Variants in TMEM26 observed in about 807,000 individuals in gnomAD.
The protein encoded by TMEM26 is transmembrane protein 26.
Under a neutral mutation model 28.8 loss-of-function variants are expected in TMEM26, and 38 were observed. That is an observed-to-expected ratio of 1.32 (90% CI 1.02 to 1.73). The LOEUF (loss-of-function observed/expected upper bound fraction) is 1.73, where lower values mean the gene tolerates loss of function less well. Among genes scored for constraint, TMEM26 ranks in the 40% most tolerant of loss-of-function variants. The pLI, the probability that TMEM26 is intolerant of heterozygous loss-of-function variation, is 0.00. For missense variants in TMEM26, 518 were observed against 447.1 expected, an observed-to-expected ratio of 1.16 and a Z score of -1.43; for synonymous variants, 227 against 182.9, an observed-to-expected ratio of 1.24 and a Z score of -1.95.
At chr10:61,430,458 T>A (rs892018779) in intron 3 of TMEM26, among the ~76,000 whole-genome samples, 1 of 151,602 alleles carries the variant, frequency 6.6e-6, no homozygotes, top group Non-Finnish European at 1.5e-5. Flanking sequence ...TCCTAGATAA[T>A]TCAATAAGAC....
At position 61,408,430 on chromosome 10, in the gene TMEM26, G is replaced by T. The variant is rs1839522734; in HGVS notation, c.*1892C>A. 1 of 152,074 alleles carries T rather than the reference G, an allele frequency of 6.6e-6. No individual in the cohort carries two copies. Among genetic ancestry groups the T allele is most frequent in the African/African-American group, 2.4e-5 (1 of 41,414 alleles). 9.4% of individuals were successfully genotyped at this position (152,074 alleles called of 1,614,324 possible). A position where few individuals can be genotyped will look rare whatever the true frequency, so the allele number is the denominator to read the frequency against. On this transcript the variant is annotated 3_prime_UTR_variant, in exon 6 of 6. Transcript: ENST00000399298. Reference sequence around the variant, plus strand: ...ACTTTATACTTTATCTATTTTTAGGGCCTCAGTGTTTATTTTGCTGGAAGA... The same window carrying T: ...ACTTTATACTTTATCTATTTTTAGGTCCTCAGTGTTTATTTTGCTGGAAGA...
chr10:61,416,247 G>T lies in TMEM26; in HGVS notation c.606-2712C>A, dbSNP rs1260956329. The T allele has an allele frequency of 1.1e-5, 4 of 371,642 alleles. No individual in the cohort carries two copies. The East Asian group carries it at 2.3e-4, about 21-fold the overall frequency. 23.0% of individuals were successfully genotyped at this position (371,642 alleles called of 1,614,324 possible). A position where few individuals can be genotyped will look rare whatever the true frequency, so the allele number is the denominator to read the frequency against. ...CTTCAATAATTCTACCAAAAACTAT[G>T]TGCAATTTGCCTGCAAGGCAGTAGA... is the stretch of plus-strand genomic sequence containing the variant. On this transcript the variant is annotated intron_variant, in intron 4 of 5. Transcript: ENST00000399298.
At chr10:61,432,657 A>T (rs976361023) in intron 2 of TMEM26, among the ~76,000 whole-genome samples, 4 of 146,436 alleles carry the variant, frequency 2.7e-5, no homozygotes, top group African/African-American at 2.5e-5. Flanking sequence ...TTATTTTTTT[A>T]AAAAAAATTA....
intron 4 of TMEM26, among the ~76,000 whole-genome samples, chr10:61,420,288 G>A (rs901434756): frequency 3.3e-5 from 5 of 152,240 alleles, no homozygotes; most frequent in South Asian, 2.1e-4. Flanking sequence ...TTCACATTGA[G>A]TTGACTGAGA....
At position 61,415,814 on chromosome 10, in the gene TMEM26, G is replaced by C. The variant is rs572755289; in HGVS notation, c.606-2279C>G. On this transcript the variant is annotated intron_variant, in intron 4 of 5. Transcript: ENST00000399298. ...ATTTATAAAGTTTCTTGTACCAAAG[G>C]GGGAGAACTAGAGTGCTAAAGCATT... Among the ~76,000 whole-genome samples the C allele has an allele frequency of 1.2e-4, 18 of 152,144 alleles. No individual in the cohort carries two copies. The South Asian group carries it at 2.5e-3, about 21-fold the overall frequency.
At chr10:61,432,232 A>C (rs1839934323) in intron 2 of TMEM26, among the ~76,000 whole-genome samples, 1 of 152,140 alleles carries the variant, frequency 6.6e-6, no homozygotes, top group Non-Finnish European at 1.5e-5. Context: ...CAAGTACTGT[A>C]ACAACCTAAA....
Position 61,410,309 on chromosome 10 carries a change from T to C in TMEM26, c.*13A>G, listed in dbSNP as rs1589022526. The C allele has an allele frequency of 1.9e-6, 3 of 1,596,684 alleles. No individual in the cohort carries two copies. Among genetic ancestry groups the C allele is most frequent in the Non-Finnish European group, 2.6e-6 (3 of 1,169,190 alleles). On this transcript the variant is annotated 3_prime_UTR_variant, in exon 6 of 6. Transcript: ENST00000399298. ...GAGTCAGGTTCTAGCCGCAGACCAC[T>C]GTCAATCAATAACTAAGGGGTGTGG...
rs1839509202 is a variant in TMEM26 at position 61,407,335 on chromosome 10, C to A, written c.*2987G>T. The A allele has an allele frequency of 6.6e-6, 1 of 152,064 alleles. No individual in the cohort carries two copies. Among genetic ancestry groups the A allele is most frequent in the Non-Finnish European group, 1.5e-5 (1 of 68,016 alleles). 9.4% of individuals were successfully genotyped at this position (152,064 alleles called of 1,614,324 possible). A position where few individuals can be genotyped will look rare whatever the true frequency, so the allele number is the denominator to read the frequency against. ...CCATATCTATATGGTTCTATAAGGT[C>A]TGAAGTGCTATTTGTTAGTGGAACT... is the stretch of plus-strand genomic sequence containing the variant. On this transcript the variant is annotated 3_prime_UTR_variant, in exon 6 of 6. Transcript: ENST00000399298.
Position 61,410,138 on chromosome 10 carries a change from T to C in TMEM26, c.*184A>G, listed in dbSNP as rs10509148. 38,775 of 614,404 alleles carry C rather than the reference T, an allele frequency of 0.063. 2,561 individuals carry two copies. The highest frequency in any genetic ancestry group is 0.27 in the African/African-American group (14,452 of 54,172). 38.1% of individuals were successfully genotyped at this position (614,404 alleles called of 1,614,324 possible). ...CATCACACAGAAGTTGTAGCAATAG[T>C]CACTAATCAAAGTTCCTTCTATTCA... On this transcript the variant is annotated 3_prime_UTR_variant, in exon 6 of 6. Transcript: ENST00000399298.
At chr10:61,425,644 T>C (rs1463836796) in intron 4 of TMEM26, among the ~76,000 whole-genome samples, 1 of 151,892 alleles carries the variant, frequency 6.6e-6, no homozygotes, top group East Asian at 1.9e-4. Flanking sequence ...AACAGACACA[T>C]CACCAAAGAA....
intron 4 of TMEM26, among the ~76,000 whole-genome samples, chr10:61,423,862 A>C (rs2135301373): frequency 6.6e-6 from 1 of 152,350 alleles, no homozygotes; most frequent in East Asian, 1.9e-4. Flanking sequence ...CCAACAAGTA[A>C]TTATGTCAAT....
At chr10:61,447,983 A>T (rs1250197068) in intron 1 of TMEM26, among the ~76,000 whole-genome samples, 2 of 152,248 alleles carry the variant, frequency 1.3e-5, no homozygotes, top group African/African-American at 4.8e-5. Flanking sequence ...CCCCTTGACT[A>T]AAATGTGAGG....
intron 1 of TMEM26, among the ~76,000 whole-genome samples, chr10:61,441,450 G>A (rs1339267475): frequency 6.6e-6 from 1 of 152,158 alleles, no homozygotes; most frequent in Admixed American, 6.5e-5. Context: ...TTGATCATGT[G>A]TTGTCTGTGC....
chr10:61,440,858 G>T (rs916215608), intron 1 of TMEM26, among the ~76,000 whole-genome samples: 19 of 152,262 alleles, frequency 1.2e-4, no homozygotes, highest in African/African-American at 3.4e-4. Context: ...GGGGGGGATT[G>T]GTTCTAGAAA....
intron 4 of TMEM26, among the ~76,000 whole-genome samples, chr10:61,419,388 G>T (rs935218989): frequency 6.6e-6 from 1 of 152,034 alleles, no homozygotes; most frequent in African/African-American, 2.4e-5. Flanking sequence ...TTATAAATAG[G>T]TTCAAAGAAT....
At chr10:61,442,757 G>T (rs985083919) in intron 1 of TMEM26, among the ~76,000 whole-genome samples, 5 of 152,134 alleles carry the variant, frequency 3.3e-5, no homozygotes, top group Non-Finnish European at 7.3e-5. Flanking sequence ...CAATGCAAAG[G>T]TTGTCTGTCC....
chr10:61,436,255 A>C lies in TMEM26; in HGVS notation c.192-7T>G. On this transcript the variant is annotated splice_polypyrimidine_tract_variant and splice_region_variant and intron_variant, in intron 1 of 5. Transcript: ENST00000399298. ...AAATATGGCTGGTGAAAACCTGTGA[A>C]AAGAGAGAAGAAAAAATAGTTTAGC... The C allele has an allele frequency of 6.4e-7, 1 of 1,568,622 alleles. No homozygotes were observed. The highest frequency in any genetic ancestry group is 8.7e-7 in the Non-Finnish European group (1 of 1,153,954).
In TMEM26 at chr10:61,429,024, G is replaced by C; in HGVS notation, c.507C>G (p.Ile169Met). The change falls in exon 4 of 6, where the codon ATC becomes ATG. Residue 169 changes from isoleucine (I) to methionine (M), a missense_variant. Coordinates refer to ENST00000399298, the MANE Select transcript of TMEM26 (RefSeq NM_178505.8). ...GRWLLPIGGG[I>M]TRDQLSQLLL... is the part of the protein sequence containing the mutation. ...GAAGTTGAGAGAGTTGATCTCGAGT[G>C]ATCCCGCCTCCAATGGGTAGAAGCC... The C allele has an allele frequency of 6.2e-7, 1 of 1,613,344 alleles. No homozygotes were observed. Among genetic ancestry groups the C allele is most frequent in the Non-Finnish European group, 8.5e-7 (1 of 1,179,490 alleles).
rs766781968 is a variant in TMEM26, at chr10:61,413,461, G to C, written c.680C>G (p.Ala227Gly). 7 of 1,612,562 alleles carry C rather than the reference G, an allele frequency of 4.3e-6. No individual in the cohort carries two copies. Among genetic ancestry groups the C allele is most frequent in the Non-Finnish European group, 5.1e-6 (6 of 1,179,140 alleles). Residue 227 changes from alanine (A) to glycine (G), a missense_variant and splice_region_variant, in exon 5 of 6, where the codon GCA (alanine) becomes GGA (glycine). Transcript: ENST00000399298. ...TGCACAAACATCAGGATACTTACCT[G>C]CCAGGTCAAGTGGAAACTGCAGCAT... ...WSMLQFPLDL[A>G]VQNVVCPVSV...
Sources: allele counts gnomAD v4.1 joint callset (sites outside exome capture counted in the v4.1 genomes callset), GRCh38; gene constraint gnomAD v4.1.1; transcripts MANE v1.5; gene names NCBI Gene and HGNC (gene_info 2026-07-23, HGNC 2026-07-21).